PIEZO2: variants seen among roughly 807,000 people sequenced by gnomAD.
PIEZO2 encodes piezo type mechanosensitive ion channel component 2.
A neutral mutation model predicts 337.3 loss-of-function variants in PIEZO2; 172 were observed. That is an observed-to-expected ratio of 0.51 (90% CI 0.45 to 0.58). The LOEUF (loss-of-function observed/expected upper bound fraction) is 0.58, where lower values mean the gene tolerates loss of function less well. Among genes scored for constraint, PIEZO2 ranks in the 20% least tolerant of loss-of-function variants. PIEZO2 has a pLI of 0.00. For missense variants in PIEZO2, 3,028 were observed against 3,391.3 expected (o/e 0.89, Z 2.66); for synonymous variants, 1,251 against 1,228.5 (o/e 1.02, Z -0.38).
At chr18:10,832,898 T>A (rs1811292834) in intron 7 of PIEZO2, among the ~76,000 whole-genome samples, 1 of 152,136 alleles carries the variant, frequency 6.6e-6, no homozygotes, top group African/African-American at 2.4e-5. Flanking sequence ...TCACCATAGT[T>A]TGAAAAACAC....
At chr18:10,858,944 T>C (rs946801317) in intron 5 of PIEZO2, among the ~76,000 whole-genome samples, 3 of 152,242 alleles carry the variant, frequency 2.0e-5, no homozygotes, top group African/African-American at 7.2e-5. Flanking sequence ...AATAAGATTT[T>C]TCTACCCATA....
At chr18:10,970,158 G>T (rs759040231) in intron 3 of PIEZO2, among the ~76,000 whole-genome samples, 1 of 152,186 alleles carries the variant, frequency 6.6e-6, no homozygotes, top group Non-Finnish European at 1.5e-5. Context: ...CTACCTGGGG[G>T]TATTAACTCG....
intron 2 of PIEZO2, among the ~76,000 whole-genome samples, chr18:10,995,016 T>A (rs551798118): frequency 1.5e-5 from 2 of 135,396 alleles, no homozygotes; most frequent in Admixed American, 1.7e-4. Flanking sequence ...AGGTTGCAGA[T>A]CTCAAAAGCC....
intron 11 of PIEZO2, 35 bp downstream of exon 11, chr18:10,800,302 A>T (rs1403882415): frequency 6.6e-7 from 1 of 1,507,988 alleles, no homozygotes; most frequent in Non-Finnish European, 8.8e-7. Context: ...TAAATGAGGA[A>T]GAAATGCGAC....
At chr18:10,944,939 T>C (rs934399253) in intron 3 of PIEZO2, among the ~76,000 whole-genome samples, 5 of 152,062 alleles carry the variant, frequency 3.3e-5, no homozygotes, top group African/African-American at 9.7e-5. Context: ...CGTGAGATAA[T>C]GTCCATGTGC....
chr18:11,042,813 T>C (rs1296186931), intron 2 of PIEZO2, among the ~76,000 whole-genome samples: 1 of 152,194 alleles, frequency 6.6e-6, no homozygotes, highest in Non-Finnish European at 1.5e-5. Flanking sequence ...GATTGTAAAA[T>C]GTCAGTATGT....
intron 2 of PIEZO2, among the ~76,000 whole-genome samples, chr18:11,040,477 T>C (rs1198111264): frequency 6.6e-6 from 1 of 152,218 alleles, no homozygotes; most frequent in East Asian, 1.9e-4. Flanking sequence ...AATTCTGTGG[T>C]ATAATTAAAT....
At position 10,793,258 on chromosome 18, in the gene PIEZO2, C is replaced by CAA. The variant is rs571365611; in HGVS notation, c.1758+1512_1758+1513dup. Among the ~76,000 whole-genome samples, 112 of 144,712 alleles carry CAA rather than the reference C, an allele frequency of 7.7e-4. 2 individuals carry two copies. The highest frequency in any genetic ancestry group is 4.2e-3 in the East Asian group (21 of 4,996). The allele number at this position is 144,712 out of a possible 152,430, so 94.9% of individuals were successfully genotyped here. A position where few individuals can be genotyped will look rare whatever the true frequency, so the allele number is the denominator to read the frequency against. On this transcript the variant is annotated intron_variant, in intron 13 of 55. Transcript: ENST00000674853. Reference sequence around the variant, plus strand: ...TGGGATACAGAGCAAAACTCCGTCTCAAAAAAAAAAAATGTGCTTTACAAA... The same window carrying CAA: ...TGGGATACAGAGCAAAACTCCGTCTCAAAAAAAAAAAAAATGTGCTTTACAAA...
Position 10,705,558 on chromosome 18 carries a change from T to C in PIEZO2, c.5777A>G (p.Glu1926Gly), listed in dbSNP as rs1261475100. 2.0e-6 allele frequency: 3 copies of C among 1,537,254 alleles called. No homozygotes were observed. In the South Asian group the frequency reaches 3.6e-5, roughly 18 times the overall value. The change falls in exon 41 of 56, where the codon GAA (glutamate) becomes GGA (glycine). Residue 1926 changes from glutamate (E) to glycine (G), a missense_variant. Physicochemically the swap from Glu to Gly is moderately conservative, Grantham distance 98 (BLOSUM62 -2). Around this residue, in one of 5 missense-constraint regions of PIEZO2, gnomAD observed 1,925 missense variants for 2,051.9 expected, o/e 0.94. Transcript: ENST00000674853. ...GAEEASLTPE[E>G]ELTQFSTLDG... ...CAAGGTGGAGAACTGTGTCAGCTCTTCCTCTGGGGTGAGGCTGGCCTCCTC... is the reference window on the plus strand; with the variant it reads ...CAAGGTGGAGAACTGTGTCAGCTCTCCCTCTGGGGTGAGGCTGGCCTCCTC...
chr18:10,901,430 G>GCACACACACACA (rs34887184), intron 4 of PIEZO2, among the ~76,000 whole-genome samples: 77 of 147,992 alleles, frequency 5.2e-4, no homozygotes, highest in African/African-American at 1.9e-3. Flanking sequence ...ACACACACAC[G>GCACACACACACA]CACACACACA....
intron 3 of PIEZO2, among the ~76,000 whole-genome samples, chr18:10,915,397 G>A (rs574186455): frequency 1.3e-5 from 2 of 150,942 alleles, no homozygotes; most frequent in South Asian, 2.1e-4. Context: ...CTCATTTTAA[G>A]TCGGGGCTCT....
chr18:11,068,598 A>G (rs539741583), intron 1 of PIEZO2, among the ~76,000 whole-genome samples: 2 of 152,250 alleles, frequency 1.3e-5, no homozygotes, highest in South Asian at 4.2e-4. Flanking sequence ...AAGATCTCAA[A>G]CAACCTAGCA....
intron 36 of PIEZO2, among the ~76,000 whole-genome samples, chr18:10,722,957 AT>A (rs36042609): frequency 0.049 from 4,107 of 84,292 alleles, 105 homozygotes; most frequent in African/African-American, 0.15. Context: ...GGATGCAGTG[AT>A]TTTTTTTTTT....
rs1056633315 is a variant in PIEZO2 at position 11,126,382 on chromosome 18, C to T, written c.64+22143G>A. Among the ~76,000 whole-genome samples the T allele has an allele frequency of 2.6e-5, 4 of 152,146 alleles. No homozygotes were observed. The highest frequency in any genetic ancestry group is 2.1e-4 in the South Asian group (1 of 4,820). On this transcript the variant is annotated intron_variant, in intron 1 of 55. Transcript: ENST00000674853. The surrounding 1 kb of genome is among the most constrained non-coding windows in gnomAD (Gnocchi z 4.6). ...CCTCATTGCACTGCGCCAGCCTGAGCGCCCATGGCCACAGTGATGACTGTT... is the reference window on the plus strand; with the variant it reads ...CCTCATTGCACTGCGCCAGCCTGAGTGCCCATGGCCACAGTGATGACTGTT...
intron 7 of PIEZO2, among the ~76,000 whole-genome samples, chr18:10,841,890 G>A (rs1030527900): frequency 1.3e-5 from 2 of 152,164 alleles, no homozygotes; most frequent in African/African-American, 2.4e-5. Context: ...AACGCAGGGC[G>A]TGGTGGCTCA....
Position 10,846,215 on chromosome 18 carries a change from A to C in PIEZO2, c.917+9138T>G, listed in dbSNP as rs776813592. On this transcript the variant is annotated intron_variant, in intron 7 of 55. Coordinates refer to ENST00000674853, the MANE Select transcript of PIEZO2 (RefSeq NM_001378183.1). The surrounding 1 kb of genome is among the most constrained non-coding windows in gnomAD (Gnocchi z 4.1). ...AGGGAGGCCTCACAATCATGGCAGA[A>C]GGCAAGGAGGAGCAAGTCACATCTT... Among the ~76,000 whole-genome samples the C allele has an allele frequency of 6.6e-6, 1 of 152,198 alleles. No individual in the cohort carries two copies. Among genetic ancestry groups the C allele is most frequent in the Non-Finnish European group, 1.5e-5 (1 of 68,038 alleles).
At chr18:11,122,888 A>G (rs1224869772) in intron 1 of PIEZO2, among the ~76,000 whole-genome samples, 2 of 151,232 alleles carry the variant, frequency 1.3e-5, no homozygotes, top group Non-Finnish European at 2.9e-5. Flanking sequence ...GGTTATATGT[A>G]TAATATATCT....
In PIEZO2 at chr18:10,718,330, T is replaced by C. The variant is rs942585632; in HGVS notation, c.5030-71A>G. ...AAATTAAATGCCAATGTTACTCTTC[T>C]AGATTAAAAGGAATTTTGTAATTAA... On this transcript the variant is annotated intron_variant, in intron 36 of 55. Coordinates refer to ENST00000674853, the MANE Select transcript of PIEZO2 (RefSeq NM_001378183.1). 3.1e-5 allele frequency: 40 copies of C among 1,289,426 alleles called. No homozygotes were observed. The South Asian group carries it at 4.4e-4, about 14-fold the overall frequency. The allele number at this position is 1,289,426 out of a possible 1,614,324, so 79.9% of individuals were successfully genotyped here.
At position 10,795,384 on chromosome 18, in the gene PIEZO2, ATTTTATTTTATTTTAT is replaced by A. The variant is rs1568066789; in HGVS notation, c.1528-398_1528-383del. 1.2e-4 allele frequency among the ~76,000 whole-genome samples: 3 copies of A among 24,490 alleles called. No homozygotes were observed. The highest frequency in any genetic ancestry group is 3.3e-3 in the South Asian group (2 of 608). 16.1% of individuals were successfully genotyped at this position (24,490 alleles called of 152,430 possible). On this transcript the variant is annotated intron_variant, in intron 12 of 55. Coordinates refer to ENST00000674853, the MANE Select transcript of PIEZO2 (RefSeq NM_001378183.1). This position sits in a 1 kb window ranked among gnomAD's most constrained non-coding sequence, Gnocchi z 4.4. ...ATTTTATTTTATTTTATTTTATTTT[ATTTTATTTTATTTTAT>A]TTTATTTTATTCAGCTCTATTGCTT...
Sources: gnomAD v4.1 joint callset for allele counts (sites outside exome capture counted in the v4.1 genomes callset) on GRCh38, gnomAD v4.1.1 for gene constraint, gnomAD v4.1.1 regional missense constraint, Gnocchi (gnomAD v3.1) non-coding constraint, MANE v1.5 for transcripts, NCBI Gene and HGNC (gene_info 2026-07-23, HGNC 2026-07-21) for gene names.